ENOSF1: variants seen among roughly 807,000 people sequenced by gnomAD.
The protein encoded by ENOSF1 is mitochondrial enolase superfamily member 1.
Under a neutral mutation model 68.2 loss-of-function variants are expected in ENOSF1, and 73 were observed. The observed-to-expected ratio is 1.07, with a 90% CI of 0.89 to 1.30. The LOEUF (loss-of-function observed/expected upper bound fraction) is 1.30, where lower values mean the gene tolerates loss of function less well. Among genes scored for constraint, ENOSF1 ranks in the 50% most tolerant of loss-of-function variants. The probability of loss-of-function intolerance (pLI) is 0.00; values close to 1 mark genes in which losing one functional copy is unlikely to be tolerated. For missense variants in ENOSF1, 589 were observed against 554.5 expected, an observed-to-expected ratio of 1.06 and a Z score of -0.62; for synonymous variants, 223 against 210.4, an observed-to-expected ratio of 1.06 and a Z score of -0.52.
intron 2 of ENOSF1, among the ~76,000 whole-genome samples, chr18:702,252 G>A (rs1463994068): frequency 4.3e-5 from 3 of 70,264 alleles, no homozygotes; most frequent in Admixed American, 2.3e-4. Context: ...CAACAAGAGC[G>A]AAACTACATC....
chr18:670,553 A>G lies in ENOSF1; in HGVS notation c.*3752T>C. On this transcript the variant is annotated 3_prime_UTR_variant, in exon 16 of 16. Transcript: ENST00000647584. Reference sequence around the variant, plus strand: ...GCCATCGCTGCAGAGGCTGTTATGGACATCACTGCAGCCCAGTGGCTCTCT... The same window carrying G: ...GCCATCGCTGCAGAGGCTGTTATGGGCATCACTGCAGCCCAGTGGCTCTCT... 1 of 836,702 alleles carries G rather than the reference A, an allele frequency of 1.2e-6. No individual in the cohort carries two copies. Among genetic ancestry groups the G allele is most frequent in the Non-Finnish European group, 1.9e-6 (1 of 534,976 alleles). 51.8% of individuals were successfully genotyped at this position (836,702 alleles called of 1,614,324 possible).
chr18:666,082 G>C (rs866153370), downstream of ENOSF1, among the ~76,000 whole-genome samples: 13 of 104,488 alleles, frequency 1.2e-4, no homozygotes, highest in African/African-American at 7.5e-4. Context: ...TTAACTTTCT[G>C]TCTCGTTGAT....
chr18:672,664 C>T lies in ENOSF1; in HGVS notation c.*1641G>A. The T allele has an allele frequency of 1.1e-5, 5 of 464,772 alleles. No homozygotes were observed. Among genetic ancestry groups the T allele is most frequent in the Non-Finnish European group, 1.9e-5 (5 of 269,722 alleles). The allele number at this position is 464,772 out of a possible 1,614,324, so 28.8% of individuals were successfully genotyped here. On this transcript the variant is annotated 3_prime_UTR_variant, in exon 16 of 16. Transcript: ENST00000647584. The stretch of plus-strand genomic sequence containing the variant: ...GTGTAATGTCACAAAATACCCCTCA[C>T]TCTCGATCTGTGCAAGAGAACAGCT...
Position 670,519 on chromosome 18 carries a change from C to G in ENOSF1, c.*3786G>C. ...CCTTGCACCGATGGATAGTCTCCCTCAGCTCCGTGCCATCGCTGCAGAGGC... is the reference window on the plus strand; with the variant it reads ...CCTTGCACCGATGGATAGTCTCCCTGAGCTCCGTGCCATCGCTGCAGAGGC... On this transcript the variant is annotated 3_prime_UTR_variant, in exon 16 of 16. Coordinates refer to ENST00000647584, the MANE Select transcript of ENOSF1 (RefSeq NM_017512.7). 1 of 640,328 alleles carries G rather than the reference C, an allele frequency of 1.6e-6. No homozygotes were observed. Among genetic ancestry groups the G allele is most frequent in the Non-Finnish European group, 2.7e-6 (1 of 373,340 alleles). 39.7% of individuals were successfully genotyped at this position (640,328 alleles called of 1,614,324 possible). A position where few individuals can be genotyped will look rare whatever the true frequency, so the allele number is the denominator to read the frequency against.
chr18:666,891 A>AGATGGT (rs140212927), downstream of ENOSF1, among the ~76,000 whole-genome samples: 171 of 62,166 alleles, frequency 2.8e-3, 23 homozygotes, highest in Middle Eastern at 8.3e-3. Context: ...AAAGTTCGGG[A>AGATGGT]GATGGTGATG....
At chr18:692,849 G>A (rs1275575567) in intron 5 of ENOSF1, 4 of 1,079,394 alleles carry the variant, frequency 3.7e-6, no homozygotes, top group East Asian at 7.6e-5. Flanking sequence ...TGTCAGAGAC[G>A]ATGTGACAGC....
intron 5 of ENOSF1, 197 bp downstream of exon 5, chr18:693,685 C>T: frequency 1.0e-6 from 1 of 985,370 alleles, no homozygotes; most frequent in Non-Finnish European, 1.2e-6. Context: ...CTCATGCCAC[C>T]CTGCCTGCAT....
In ENOSF1 at chr18:683,895, A is replaced by T. The variant is rs1319856131; in HGVS notation, c.742-515T>A. Among the ~76,000 whole-genome samples, 4 of 151,848 alleles carry T rather than the reference A, an allele frequency of 2.6e-5. No individual in the cohort carries two copies. The South Asian group carries it at 8.4e-4, about 32-fold the overall frequency. The stretch of plus-strand genomic sequence containing the variant: ...ACCTACTCCACTAGGCACTTTATGG[A>T]TTTTGTTCCATTTAATATTTATAAT... On this transcript the variant is annotated intron_variant, in intron 10 of 15. Coordinates refer to ENST00000647584, the MANE Select transcript of ENOSF1 (RefSeq NM_017512.7).
In ENOSF1 at chr18:675,413, G is replaced by C. The variant is rs1341961204; in HGVS notation, c.1149-11C>G. On this transcript the variant is annotated splice_polypyrimidine_tract_variant and intron_variant, in intron 14 of 15. Coordinates refer to ENST00000647584, the MANE Select transcript of ENOSF1 (RefSeq NM_017512.7). ...ACATACTCACACACCCTAGGAGGAG[G>C]GAATCAGATCGGGGCAATGATGCCT... is the stretch of plus-strand genomic sequence containing the variant. The C allele has an allele frequency of 6.2e-7, 1 of 1,610,118 alleles. No individual in the cohort carries two copies. The highest frequency in any genetic ancestry group is 8.5e-7 in the Non-Finnish European group (1 of 1,178,176).
At position 698,359 on chromosome 18, in the gene ENOSF1, T is replaced by C. The variant is rs2077967803; in HGVS notation, c.194-1004A>G. ...TAAGAAGGCTGACTTCATAGAATTTTTAAAAGGAGAAATGCCTTTTCATTA... is the reference window on the plus strand; with the variant it reads ...TAAGAAGGCTGACTTCATAGAATTTCTAAAAGGAGAAATGCCTTTTCATTA... On this transcript the variant is annotated intron_variant, in intron 2 of 15. Transcript: ENST00000647584. Among the ~76,000 whole-genome samples, 3 of 152,240 alleles carry C rather than the reference T, an allele frequency of 2.0e-5. No individual in the cohort carries two copies. In the South Asian group the frequency reaches 6.2e-4, roughly 31 times the overall value.
At chr18:710,494 A>G (rs1464665763) in intron 1 of ENOSF1, among the ~76,000 whole-genome samples, 1 of 152,170 alleles carries the variant, frequency 6.6e-6, no homozygotes, top group Non-Finnish European at 1.5e-5. Flanking sequence ...CAGAGTGAAT[A>G]GTAATTACAG....
downstream of ENOSF1, among the ~76,000 whole-genome samples, chr18:667,227 T>A (rs188267): frequency 1.7e-3 from 56 of 33,928 alleles, 6 homozygotes; most frequent in East Asian, 0.069. Context: ...ATGGTGATGG[T>A]GATGGAGATG....
In ENOSF1 at chr18:693,869, C is replaced by T; in HGVS notation, c.423+13G>A. On this transcript the variant is annotated intron_variant, in intron 5 of 15. Coordinates refer to ENST00000647584, the MANE Select transcript of ENOSF1 (RefSeq NM_017512.7). ...TTTACAGAAACAATTGTAACATTAA[C>T]AATGCTACTCACCATGTCCACAAGT... The T allele has an allele frequency of 6.2e-7, 1 of 1,613,430 alleles. No individual in the cohort carries two copies.
Position 685,239 on chromosome 18 carries a change from C to T in ENOSF1, c.741+682G>A, listed in dbSNP as rs138533077. Among the ~76,000 whole-genome samples the T allele has an allele frequency of 7.6e-3, 1,151 of 151,784 alleles. 16 individuals carry two copies. The highest frequency in any genetic ancestry group is 0.026 in the African/African-American group (1,078 of 41,356). The stretch of plus-strand genomic sequence containing the variant: ...AGGCTGATCTTGTACTCCTGAGCTC[C>T]GGCAATCCACTCACCTAGGCATCCC... On this transcript the variant is annotated intron_variant, in intron 10 of 15. Transcript: ENST00000647584.
chr18:701,772 T>A (rs920774947), intron 2 of ENOSF1, among the ~76,000 whole-genome samples: 5 of 121,440 alleles, frequency 4.1e-5, no homozygotes, highest in African/African-American at 6.0e-5. Context: ...AAAAAAAAAA[T>A]TAGCTGGCGT....
rs1175174940 is a variant in ENOSF1, at chr18:673,612, AAG to A, written c.*691_*692del. The A allele has an allele frequency of 5.6e-6, 1 of 178,584 alleles. No individual in the cohort carries two copies. The highest frequency in any genetic ancestry group is 2.4e-5 in the African/African-American group (1 of 42,314). 11.1% of individuals were successfully genotyped at this position (178,584 alleles called of 1,614,324 possible). On this transcript the variant is annotated 3_prime_UTR_variant, in exon 16 of 16. Coordinates refer to ENST00000647584, the MANE Select transcript of ENOSF1 (RefSeq NM_017512.7). Reference sequence around the variant, plus strand: ...GTATTCTGGTTTGGATGCTACTTAAAAGAGTATATTTTAGAAATAATAGTGAA... The same window carrying A: ...GTATTCTGGTTTGGATGCTACTTAAAAGTATATTTTAGAAATAATAGTGAA...
intron 1 of ENOSF1, among the ~76,000 whole-genome samples, chr18:712,107 C>T (rs1189635999): frequency 6.6e-6 from 1 of 152,200 alleles, no homozygotes; most frequent in East Asian, 1.9e-4. Context: ...ATTATGCATT[C>T]TACCATTTCC....
At chr18:692,761 A>G in intron 5 of ENOSF1, 3 of 997,072 alleles carry the variant, frequency 3.0e-6, no homozygotes, top group Non-Finnish European at 3.6e-6. Context: ...ATCCCCGTAA[A>G]ACGCCAACCT....
chr18:683,357 C>A lies in ENOSF1; in HGVS notation c.765G>T (p.Trp255Cys). The A allele has an allele frequency of 1.2e-6, 2 of 1,614,118 alleles. No homozygotes were observed. Among genetic ancestry groups the A allele is most frequent in the Non-Finnish European group, 1.7e-6 (2 of 1,180,030 alleles). ...TCCACTCCACCGCCTCAGGCACATCCCAGCGCTGGTTGGCATCCATCATCT... is the reference window on the plus strand; with the variant it reads ...TCCACTCCACCGCCTCAGGCACATCACAGCGCTGGTTGGCATCCATCATCT... ...KTLMMDANQR[W>C]DVPEAVEWMS... Residue 255 changes from tryptophan to cysteine, a missense_variant, in exon 11 of 16, where the codon TGG becomes TGT. Trp to Cys is a radical substitution (Grantham distance 215). Coordinates refer to ENST00000647584, the MANE Select transcript of ENOSF1 (RefSeq NM_017512.7).
Sources: gnomAD v4.1 joint callset for allele counts (sites outside exome capture counted in the v4.1 genomes callset) on GRCh38, gnomAD v4.1.1 for gene constraint, MANE v1.5 for transcripts, NCBI Gene and HGNC (gene_info 2026-07-23, HGNC 2026-07-21) for gene names.